Variants in CYP2J2 observed in about 807,000 individuals in gnomAD.
CYP2J2 encodes the protein cytochrome P450 2J2.
In CYP2J2, 41 loss-of-function variants were observed where a neutral mutation model predicts 48.8. The ratio of observed to expected loss-of-function variants is 0.84; its 90% CI spans 0.66 to 1.09. CYP2J2 has a LOEUF of 1.09. CYP2J2 is among the 50% of genes least tolerant of loss of function. The probability of loss-of-function intolerance (pLI) is 0.00; values close to 1 mark genes in which losing one functional copy is unlikely to be tolerated. For missense variants in CYP2J2, 644 were observed against 617.3 expected (o/e 1.04, Z -0.46); for synonymous variants, 221 against 227.1 (o/e 0.97, Z 0.24).
chr1:59,955,864 G>A, the CYP2J2 span, among the ~76,000 whole-genome samples: 4 of 151,958 alleles, frequency 2.6e-5, no homozygotes, highest in East Asian at 5.8e-4. Context: ...CTAACGAGAC[G>A]ACACATGGAA....
intron 2 of CYP2J2, among the ~76,000 whole-genome samples, chr1:59,915,318 C>G (rs367929399): frequency 1.4e-4 from 21 of 152,286 alleles, no homozygotes; most frequent in Middle Eastern, 6.8e-3. Context: ...AGTCTCTTGT[C>G]CCACTTGAGG....
intron 3 of CYP2J2, 50 bp downstream of exon 3, chr1:59,912,112 A>T: frequency 6.4e-7 from 1 of 1,561,784 alleles, no homozygotes; most frequent in Non-Finnish European, 8.7e-7. Context: ...GTATCTGTCC[A>T]ATGAACAAAT....
the CYP2J2 span, among the ~76,000 whole-genome samples, chr1:59,941,473 T>C: frequency 6.6e-6 from 1 of 152,248 alleles, no homozygotes; most frequent in African/African-American, 2.4e-5. Context: ...ACTATGTTAC[T>C]AGTTTATGTA....
rs568654777 is a variant in CYP2J2, at chr1:59,909,949, G to T, written c.696C>A (p.Val232=). 1 of 1,605,164 alleles carries T rather than the reference G, an allele frequency of 6.2e-7. No individual in the cohort carries two copies. Among genetic ancestry groups the T allele is most frequent in the South Asian group, 1.1e-5 (1 of 88,750 alleles). The change falls in exon 5 of 9, where the codon GTC becomes GTA. Residue 232 remains valine, a synonymous_variant. Transcript: ENST00000371204. The part of the protein sequence containing the change: ...EASKTCQLYN[V]FPWIMKFLPG... ...GCAGGAATTTCATTATCCATGGAAA[G>T]ACATTGTAGAGCTAATTGAGAAAAA...
At position 59,925,253 on chromosome 1, in the gene CYP2J2, C is replaced by G. The variant is rs959097388; in HGVS notation, c.210+1284G>C. ...TTGATAGAATAAGTAGATAACAAGT[C>G]AACAAGGATATAGGCAAACCAAACA... On this transcript the variant is annotated intron_variant, in intron 1 of 8. Transcript: ENST00000371204. 5.9e-5 allele frequency among the ~76,000 whole-genome samples: 9 copies of G among 152,034 alleles called. 1 individual carries two copies. Among genetic ancestry groups the G allele is most frequent in the Non-Finnish European group, 1.5e-5 (1 of 67,954 alleles).
chr1:59,948,503 ATAAAAAT>A, the CYP2J2 span, among the ~76,000 whole-genome samples: 2 of 152,372 alleles, frequency 1.3e-5, no homozygotes, highest in African/African-American at 2.4e-5. Context: ...ACATACAAAA[ATAAAAAT>A]TAAAAATTAA....
rs1574241761 is a variant in CYP2J2, at chr1:59,893,386, ACTTT to A, written c.*261_*264del. ...ACCATTTCTTTTGATTCTTACAAGA[ACTTT>A]CTTTATGGAAGGAAACATTATCCTC... is the stretch of plus-strand genomic sequence containing the variant. On this transcript the variant is annotated 3_prime_UTR_variant, in exon 9 of 9. Transcript: ENST00000371204. 2.3e-5 allele frequency: 8 copies of A among 348,178 alleles called. No homozygotes were observed. In the East Asian group the frequency reaches 3.7e-4, roughly 16 times the overall value. 21.6% of individuals were successfully genotyped at this position (348,178 alleles called of 1,614,324 possible).
chr1:59,924,797 A>G (rs1644550498), intron 1 of CYP2J2, among the ~76,000 whole-genome samples: 1 of 152,102 alleles, frequency 6.6e-6, no homozygotes, highest in African/African-American at 2.4e-5. Flanking sequence ...ATGGTAGACA[A>G]ATCTTAATAT....
the CYP2J2 span, among the ~76,000 whole-genome samples, chr1:59,951,799 G>C: frequency 6.6e-6 from 1 of 152,120 alleles, no homozygotes; most frequent in Non-Finnish European, 1.5e-5. Flanking sequence ...GCCATGTCCA[G>C]CTAGCTTCTG....
chr1:59,901,149 A>G (rs776701750), intron 7 of CYP2J2, 46 bp from the exon 8 acceptor site: 1 of 1,599,574 alleles, frequency 6.3e-7, no homozygotes, highest in East Asian at 2.2e-5. Context: ...CCCATGAAAA[A>G]GCACACCTAT....
chr1:59,909,442 G>A (rs1644392233), intron 5 of CYP2J2, among the ~76,000 whole-genome samples: 2 of 152,154 alleles, frequency 1.3e-5, no homozygotes, highest in Admixed American at 6.5e-5. Context: ...AGTATGTCAG[G>A]ATGGAAGCAG....
At chr1:59,910,822 C>T (rs770907767) in intron 4 of CYP2J2, among the ~76,000 whole-genome samples, 6 of 151,996 alleles carry the variant, frequency 3.9e-5, no homozygotes, top group East Asian at 3.8e-4. Flanking sequence ...ACCAAGAAAC[C>T]GAGCAGAGTT....
At chr1:59,954,867 T>C in the CYP2J2 span, among the ~76,000 whole-genome samples, 1 of 152,108 alleles carries the variant, frequency 6.6e-6, no homozygotes, top group Non-Finnish European at 1.5e-5. Context: ...CCAGGCATGG[T>C]GGCACATGCC....
In CYP2J2 at chr1:59,911,688, C is replaced by G. The variant is rs767582413; in HGVS notation, c.604G>C (p.Glu202Gln). 8 of 1,613,702 alleles carry G rather than the reference C, an allele frequency of 5.0e-6. No individual in the cohort carries two copies. In the Admixed American group the frequency reaches 1.3e-4, roughly 27 times the overall value. ...TGCTGAAACCAACTATCCTGGTACT[C>G]AAAGCGTTCTCCGAAGGTGATGGAG... ...ICSITFGERF[E>Q]YQDSWFQQLL... The change falls in exon 4 of 9, where the codon GAG (glutamate) becomes CAG (glutamine). Residue 202 changes from glutamate (E) to glutamine (Q), a missense_variant. Transcript: ENST00000371204.
chr1:59,947,898 G>T, the CYP2J2 span, among the ~76,000 whole-genome samples: 51 of 151,794 alleles, frequency 3.4e-4, no homozygotes, highest in Non-Finnish European at 4.4e-4. Flanking sequence ...CATAATATTT[G>T]AAAACTTAGC....
At chr1:59,931,794 T>C in the CYP2J2 span, among the ~76,000 whole-genome samples, 6 of 152,062 alleles carry the variant, frequency 3.9e-5, no homozygotes, top group Admixed American at 3.9e-4. Context: ...ATACCAAAAA[T>C]TTAAAGGAAA....
At chr1:59,925,026 T>C (rs1644552688) in intron 1 of CYP2J2, among the ~76,000 whole-genome samples, 1 of 151,942 alleles carries the variant, frequency 6.6e-6, no homozygotes, top group Non-Finnish European at 1.5e-5. Flanking sequence ...TAAAGTACAG[T>C]TTAGGCAAAT....
chr1:59,918,907 A>G (rs1014942600), intron 1 of CYP2J2, among the ~76,000 whole-genome samples: 1 of 152,222 alleles, frequency 6.6e-6, no homozygotes, highest in African/African-American at 2.4e-5. Flanking sequence ...TTTACAGTAA[A>G]GAGGAAGAAG....
chr1:59,935,256 G>A, the CYP2J2 span, among the ~76,000 whole-genome samples: 6 of 151,646 alleles, frequency 4.0e-5, no homozygotes, highest in South Asian at 6.3e-4. Flanking sequence ...GATTGCAGGT[G>A]GGGAAAGGGG....
Sources: allele counts gnomAD v4.1 joint callset (sites outside exome capture counted in the v4.1 genomes callset), GRCh38; gene constraint gnomAD v4.1.1; transcripts MANE v1.5; gene names NCBI Gene and HGNC (gene_info 2026-07-23, HGNC 2026-07-21).